The following CLASP2 variants were observed in gnomAD, a reference collection of about 807,000 sequenced individuals.
CLASP2 encodes cytoplasmic linker associated protein 2, also known as CLIP-associating protein 2.
Under a neutral mutation model 194.4 loss-of-function variants are expected in CLASP2, and 47 were observed. That is an observed-to-expected ratio of 0.24 (90% CI 0.19 to 0.31). The LOEUF is 0.31. Ranked by LOEUF, CLASP2 falls within the 10% of genes least tolerant of loss-of-function variation. CLASP2 has a pLI of 1.00. For missense variants in CLASP2, 1,445 were observed against 1,823.6 expected, an observed-to-expected ratio of 0.79 and a Z score of 3.78; for synonymous variants, 619 against 633.5, an observed-to-expected ratio of 0.98 and a Z score of 0.34.
chr3:33,716,176 T>C (rs980192497), intron 1 of CLASP2, among the ~76,000 whole-genome samples: 1 of 152,118 alleles, frequency 6.6e-6, no homozygotes, highest in Admixed American at 6.5e-5. Flanking sequence ...TATAGACAGG[T>C]GGTGGGAGAC....
At chr3:33,556,391 G>A (rs989282307) in intron 29 of CLASP2, among the ~76,000 whole-genome samples, 1 of 151,032 alleles carries the variant, frequency 6.6e-6, no homozygotes, top group African/African-American at 2.4e-5. Context: ...ACTTTTCCCT[G>A]CTATTCTAAA....
rs975869013 is a variant in CLASP2 at position 33,497,105 on chromosome 3, T to A, written c.*1526A>T. 1.3e-5 allele frequency: 2 copies of A among 152,466 alleles called. No homozygotes were observed. The highest frequency in any genetic ancestry group is 4.8e-5 in the African/African-American group (2 of 41,416). The allele number at this position is 152,466 out of a possible 1,614,324, so 9.4% of individuals were successfully genotyped here. ...CAGTAGAAAACAAAATTGTTACAGG[T>A]AGAGGGAGAGGATATAGAGAAACTT... On this transcript the variant is annotated 3_prime_UTR_variant, in exon 39 of 39. Coordinates refer to ENST00000682230, the MANE Select transcript of CLASP2 (RefSeq NM_001365631.1).
At chr3:33,561,347 A>G (rs2061764469) in intron 27 of CLASP2, among the ~76,000 whole-genome samples, 1 of 152,234 alleles carries the variant, frequency 6.6e-6, no homozygotes, top group Non-Finnish European at 1.5e-5. Context: ...AGCTTTTCTG[A>G]AGAGTGGCAC....
At chr3:33,579,675 G>C (rs2065606438) in intron 23 of CLASP2, among the ~76,000 whole-genome samples, 2 of 152,166 alleles carry the variant, frequency 1.3e-5, no homozygotes, top group South Asian at 4.1e-4. Flanking sequence ...GTCAAGCACT[G>C]CCTTGAGGGA....
chr3:33,544,617 T>C, intron 31 of CLASP2, 81 bp downstream of exon 31: 1 of 1,307,968 alleles, frequency 7.6e-7, no homozygotes, highest in East Asian at 2.4e-5. Context: ...AAGGATCAAG[T>C]TTACTTCGTA....
chr3:33,517,228 G>T, intron 34 of CLASP2, 54 bp from the exon 35 acceptor site: 1 of 1,369,468 alleles, frequency 7.3e-7, no homozygotes, highest in East Asian at 2.5e-5. Flanking sequence ...ACTCTCACAA[G>T]TATGGGGATA....
Position 33,517,085 on chromosome 3 carries a change from G to C in CLASP2, c.3877C>G (p.Leu1293Val). ...NERVEERKIA[L>V]YELMKLTQEE... is the part of the protein sequence containing the mutation. ...TGTGTCAGTTTCATAAGTTCATAGA[G>C]GGCAATTTTTCTTTCTTCTACACGC... is the stretch of plus-strand genomic sequence containing the variant. The change falls in exon 35 of 39, where the codon CTC becomes GTC. Residue 1293 changes from leucine to valine, a missense_variant. Physicochemically the swap from Leu to Val is conservative, Grantham distance 32. Transcript: ENST00000682230. 1 of 1,613,570 alleles carries C rather than the reference G, an allele frequency of 6.2e-7. No homozygotes were observed. Among genetic ancestry groups the C allele is most frequent in the East Asian group, 2.2e-5 (1 of 44,794 alleles).
At chr3:33,586,926 G>C (rs2067513171) in intron 21 of CLASP2, among the ~76,000 whole-genome samples, 1 of 152,114 alleles carries the variant, frequency 6.6e-6, no homozygotes, top group African/African-American at 2.4e-5. Flanking sequence ...GAGGGGGGGT[G>C]CCTGCCCTTT....
chr3:33,634,766 CAT>C (rs773067795), intron 8 of CLASP2, among the ~76,000 whole-genome samples: 10 of 152,122 alleles, frequency 6.6e-5, no homozygotes, highest in Non-Finnish European at 1.5e-4. Flanking sequence ...TATTTCAAAA[CAT>C]GTGGTACACA....
chr3:33,671,341 T>A (rs929540255), intron 6 of CLASP2, among the ~76,000 whole-genome samples: 3 of 151,918 alleles, frequency 2.0e-5, no homozygotes, highest in African/African-American at 7.3e-5. Flanking sequence ...TAAAAAAAAA[T>A]TACATGGCAT....
chr3:33,581,015 C>CAAAAAAAAAAAAAAAA (rs34304858), intron 23 of CLASP2, among the ~76,000 whole-genome samples: 1 of 57,744 alleles, frequency 1.7e-5, no homozygotes, highest in Non-Finnish European at 3.3e-5. Flanking sequence ...GACTCCGTCT[C>CAAAAAAAAAAAAAAAA]AAAAAAAAAA....
intron 12 of CLASP2, 104 bp from the exon 13 acceptor site, chr3:33,612,175 A>C (rs1450867709): frequency 7.3e-6 from 5 of 684,938 alleles, no homozygotes; most frequent in Non-Finnish European, 1.2e-5. Flanking sequence ...ACAAGAGGAC[A>C]AAAAGACCAG....
chr3:33,714,155 T>C (rs1425473650), intron 1 of CLASP2, among the ~76,000 whole-genome samples: 1 of 152,198 alleles, frequency 6.6e-6, no homozygotes, highest in Admixed American at 6.5e-5. Flanking sequence ...CAGTGCCTGG[T>C]ACTCACTAAG....
intron 1 of CLASP2, among the ~76,000 whole-genome samples, chr3:33,712,032 G>T (rs1248182545): frequency 6.6e-6 from 1 of 152,134 alleles, no homozygotes; most frequent in Non-Finnish European, 1.5e-5. Flanking sequence ...CAAAGGAAAA[G>T]AAGTCATTAT....
chr3:33,695,601 A>G (rs7624319), intron 2 of CLASP2, among the ~76,000 whole-genome samples: 56,720 of 151,848 alleles, frequency 0.37, 11,036 homozygotes, highest in Admixed American at 0.48. Context: ...AAAAAGTTAA[A>G]TGTGATGATA....
chr3:33,653,523 A>C (rs997233897), intron 7 of CLASP2, among the ~76,000 whole-genome samples: 1 of 152,078 alleles, frequency 6.6e-6, no homozygotes, highest in African/African-American at 2.4e-5. Context: ...ATACTGATTC[A>C]AAACAAACTG....
At chr3:33,660,132 A>G (rs2085043682) in intron 7 of CLASP2, among the ~76,000 whole-genome samples, 1 of 152,218 alleles carries the variant, frequency 6.6e-6, no homozygotes, top group Non-Finnish European at 1.5e-5. Flanking sequence ...GTGAAAGAGA[A>G]AAGGATTTGC....
At chr3:33,500,509 C>G (rs9849750) in intron 38 of CLASP2, among the ~76,000 whole-genome samples, 62,665 of 152,072 alleles carry the variant, frequency 0.41, 13,160 homozygotes, top group Admixed American at 0.51. Flanking sequence ...ATGGGATTCA[C>G]GGGATCACAG....
chr3:33,522,261 G>A (rs1334860733), intron 34 of CLASP2, among the ~76,000 whole-genome samples: 3 of 152,084 alleles, frequency 2.0e-5, no homozygotes, highest in Non-Finnish European at 2.9e-5. Context: ...AAAAACAACT[G>A]CATACACATG....
Sources: allele counts gnomAD v4.1 joint callset (sites outside exome capture counted in the v4.1 genomes callset), GRCh38; gene constraint gnomAD v4.1.1; transcripts MANE v1.5; gene names NCBI Gene and HGNC (gene_info 2026-07-23, HGNC 2026-07-21).